FHIT: variants seen among roughly 807,000 people sequenced by gnomAD.
The protein encoded by FHIT is bis(5'-adenosyl)-triphosphatase.
FHIT carries 19 observed loss-of-function variants against 17.9 expected under a neutral mutation model. The ratio of observed to expected loss-of-function variants is 1.06; its 90% CI spans 0.74 to 1.56. The LOEUF is 1.56. Ranked by LOEUF, FHIT falls within the 40% of genes most tolerant of loss-of-function variation. The pLI is 0.00. For missense variants in FHIT, 248 were observed against 189.2 expected (o/e 1.31, Z -1.82); for synonymous variants, 81 against 69.7 (o/e 1.16, Z -0.81).
At chr3:60,172,020 C>A (rs1315577722) in intron 5 of FHIT, among the ~76,000 whole-genome samples, 3 of 152,114 alleles carry the variant, frequency 2.0e-5, no homozygotes, top group East Asian at 3.9e-4. Flanking sequence ...AGAACATAAT[C>A]ATGAACAAAA....
At chr3:60,189,983 C>T (rs1024901233) in intron 5 of FHIT, among the ~76,000 whole-genome samples, 3 of 152,148 alleles carry the variant, frequency 2.0e-5, no homozygotes, top group Non-Finnish European at 4.4e-5. Context: ...CCCTTAGGAA[C>T]CCATCTGACC....
intron 5 of FHIT, among the ~76,000 whole-genome samples, chr3:60,210,130 A>G (rs115033329): frequency 2.6e-5 from 4 of 152,218 alleles, no homozygotes; most frequent in African/African-American, 9.6e-5. Flanking sequence ...CTTTCCAAAA[A>G]GAGGTAAAAG....
At chr3:60,459,461 A>G (rs2032321723) in intron 5 of FHIT, among the ~76,000 whole-genome samples, 1 of 152,212 alleles carries the variant, frequency 6.6e-6, no homozygotes, top group Admixed American at 6.5e-5. Flanking sequence ...GATAAATTAC[A>G]GCACCTCTTT....
intron 5 of FHIT, among the ~76,000 whole-genome samples, chr3:60,137,592 C>G (rs1275503545): frequency 6.6e-6 from 1 of 152,140 alleles, no homozygotes; most frequent in Admixed American, 6.6e-5. Flanking sequence ...GATCAGGGCA[C>G]TGACACTGAT....
At chr3:60,605,840 G>C (rs11719227) in intron 4 of FHIT, among the ~76,000 whole-genome samples, 2,573 of 152,284 alleles carry the variant, frequency 0.017, 70 homozygotes, top group Admixed American at 0.088. Context: ...CAGGGGATGG[G>C]AGAGGAGGAA....
At chr3:60,296,919 T>C (rs1708237565) in intron 5 of FHIT, among the ~76,000 whole-genome samples, 1 of 119,916 alleles carries the variant, frequency 8.3e-6, no homozygotes, top group Admixed American at 9.4e-5. Flanking sequence ...TTTTTATTTT[T>C]GCAAAAAAAA....
chr3:60,284,548 T>C (rs1488451338), intron 5 of FHIT, among the ~76,000 whole-genome samples: 2 of 152,128 alleles, frequency 1.3e-5, no homozygotes, highest in African/African-American at 4.8e-5. Flanking sequence ...TTATGAAACA[T>C]GGTACTGATA....
At chr3:60,592,259 A>T (rs963828955) in intron 4 of FHIT, among the ~76,000 whole-genome samples, 9 of 143,132 alleles carry the variant, frequency 6.3e-5, no homozygotes, top group Admixed American at 5.6e-4. Context: ...TACTATATAT[A>T]CTCTCTCTCT....
Position 60,879,893 on chromosome 3 carries a change from T to C in FHIT, c.-110-57882A>G, listed in dbSNP as rs146298042. 1.0e-3 allele frequency among the ~76,000 whole-genome samples: 158 copies of C among 151,886 alleles called. 1 individual carries two copies. Among genetic ancestry groups the C allele is most frequent in the African/African-American group, 3.7e-3 (155 of 41,484 alleles). ...TTTTTAAAAAAGACTACAAGACTTA[T>C]AGGACACCATTAAGTGAACAAATTT... On this transcript the variant is annotated intron_variant, in intron 3 of 9. Transcript: ENST00000492590.
At chr3:61,202,316 C>T (rs529124881) in intron 1 of FHIT, among the ~76,000 whole-genome samples, 11 of 150,058 alleles carry the variant, frequency 7.3e-5, no homozygotes, top group South Asian at 6.3e-4. Context: ...AAGTGAGGAG[C>T]GCCTCTGCTC....
intron 4 of FHIT, among the ~76,000 whole-genome samples, chr3:60,643,971 C>T (rs1420590192): frequency 3.3e-5 from 5 of 152,142 alleles, no homozygotes; most frequent in Non-Finnish European, 7.3e-5. Flanking sequence ...GTGCTGTTAC[C>T]AAATATGTTT....
chr3:61,007,696 C>T (rs549981525), intron 3 of FHIT, among the ~76,000 whole-genome samples: 2 of 152,296 alleles, frequency 1.3e-5, no homozygotes, highest in East Asian at 1.9e-4. Flanking sequence ...AGAATGTGTT[C>T]CCTACACTTC....
At chr3:60,529,161 T>C (rs1016671881) in intron 5 of FHIT, among the ~76,000 whole-genome samples, 5 of 152,226 alleles carry the variant, frequency 3.3e-5, no homozygotes, top group African/African-American at 7.2e-5. Flanking sequence ...TGCAAATTTA[T>C]GGTTATTTTT....
In FHIT at chr3:60,349,958, C is replaced by A. The variant is rs968437163; in HGVS notation, c.103+186902G>T. On this transcript the variant is annotated intron_variant, in intron 5 of 9. Transcript: ENST00000492590. ...TTTCCTGATTCATTCTCTTGTCTAT[C>A]TGGCTGGAACAGCTAAAATTAAGGC... is the stretch of plus-strand genomic sequence containing the variant. Among the ~76,000 whole-genome samples, 3 of 152,132 alleles carry A rather than the reference C, an allele frequency of 2.0e-5. No individual in the cohort carries two copies. In the East Asian group the frequency reaches 5.8e-4, roughly 29 times the overall value.
chr3:59,831,468 T>C (rs1701161551), intron 8 of FHIT, among the ~76,000 whole-genome samples: 1 of 152,110 alleles, frequency 6.6e-6, no homozygotes, highest in African/African-American at 2.4e-5. Flanking sequence ...AAAGAAGTAA[T>C]AAAGCTGAAA....
At chr3:60,450,193 T>TTTAA (rs200234916) in intron 5 of FHIT, among the ~76,000 whole-genome samples, 7,600 of 151,946 alleles carry the variant, frequency 0.05, 637 homozygotes, top group African/African-American at 0.17. Context: ...CACTGTACCC[T>TTTAA]TAAGGTTACA....
At chr3:59,996,615 C>T (rs1699522160) in intron 7 of FHIT, among the ~76,000 whole-genome samples, 1 of 152,086 alleles carries the variant, frequency 6.6e-6, no homozygotes, top group African/African-American at 2.4e-5. Context: ...TAATTCTCAT[C>T]CCCAAAGAGT....
At chr3:60,202,557 T>G (rs1019123668) in intron 5 of FHIT, among the ~76,000 whole-genome samples, 1 of 152,198 alleles carries the variant, frequency 6.6e-6, no homozygotes, top group African/African-American at 2.4e-5. Flanking sequence ...GTTGCCTGAT[T>G]GTGGATGTGT....
intron 3 of FHIT, among the ~76,000 whole-genome samples, chr3:60,973,034 A>T (rs1472509578): frequency 1.3e-5 from 2 of 151,814 alleles, no homozygotes; most frequent in Non-Finnish European, 2.9e-5. Context: ...TCACTTTTGG[A>T]TCTGTTACTT....
Sources: gnomAD v4.1 joint callset for allele counts (sites outside exome capture counted in the v4.1 genomes callset) on GRCh38, gnomAD v4.1.1 for gene constraint, MANE v1.5 for transcripts, NCBI Gene and HGNC (gene_info 2026-07-23, HGNC 2026-07-21) for gene names.